Variants in ASB9 observed in about 807,000 individuals in gnomAD.
ASB9 encodes the protein ankyrin repeat and SOCS box containing 9.
A neutral mutation model predicts 16.6 loss-of-function variants in ASB9; 5 were observed. That is an observed-to-expected ratio of 0.30 (90% CI 0.16 to 0.63). The LOEUF is 0.63. Among genes scored for constraint, ASB9 ranks in the 30% least tolerant of loss-of-function variants. The pLI, the probability that ASB9 is intolerant of heterozygous loss-of-function variation, is 0.82. For missense variants in ASB9, 216 were observed against 229.4 expected, an observed-to-expected ratio of 0.94 and a Z score of 0.38; for synonymous variants, 100 against 86.4, an observed-to-expected ratio of 1.16 and a Z score of -0.87.
At chrX:15,247,329 C>T (rs1398424343) in intron 6 of ASB9, among the ~76,000 whole-genome samples, 1 of 111,554 alleles carries the variant, frequency 9.0e-6, no homozygotes, top group East Asian at 2.8e-4. Flanking sequence ...TGTCACCGTG[C>T]AAAACGTAAA....
At chrX:15,259,655 A>G (rs1330205029) in intron 1 of ASB9, among the ~76,000 whole-genome samples, 1 of 111,848 alleles carries the variant, frequency 8.9e-6, no homozygotes, top group Admixed American at 9.5e-5. Context: ...GAGCAGCCCT[A>G]ATATATAACA....
chrX:15,267,425 T>TTTAAAAA (rs377056337), intron 1 of ASB9, among the ~76,000 whole-genome samples: 3 of 87,652 alleles, frequency 3.4e-5, no homozygotes, highest in Non-Finnish European at 6.7e-5. Flanking sequence ...AAAATATATA[T>TTTAAAAA]ATATATATAA....
In ASB9 at chrX:15,250,575, A is replaced by C. The variant is rs752789577; in HGVS notation, c.434-11T>G. 22 of 1,190,398 alleles carry C rather than the reference A, an allele frequency of 1.8e-5. No homozygotes were observed. In the East Asian group the frequency reaches 6.6e-4, roughly 35 times the overall value. ...CACACTCCACGTGGCCTGCAGCCCA[A>C]AGCAGGAAGAAAAACAGTTACAATA... On this transcript the variant is annotated splice_polypyrimidine_tract_variant and intron_variant, in intron 4 of 6. Coordinates refer to ENST00000380488, the MANE Select transcript of ASB9 (RefSeq NM_001031739.3).
rs142815377 is a variant in ASB9 at position 15,253,643 on chromosome X, T to C, written c.282+1094A>G. ...AACATAAAAACTGGTTAATGTCCTA[T>C]AGGGCCATAAAAGTATAATCTTTGA... On this transcript the variant is annotated intron_variant, in intron 3 of 6. Coordinates refer to ENST00000380488, the MANE Select transcript of ASB9 (RefSeq NM_001031739.3). 7.9e-3 allele frequency among the ~76,000 whole-genome samples: 882 copies of C among 111,807 alleles called. 10 individuals carry two copies. Among genetic ancestry groups the C allele is most frequent in the African/African-American group, 0.028 (850 of 30,730 alleles).
At chrX:15,252,745 G>A (rs1231478171) in intron 3 of ASB9, among the ~76,000 whole-genome samples, 1 of 111,954 alleles carries the variant, frequency 8.9e-6, no homozygotes, top group Non-Finnish European at 1.9e-5. Flanking sequence ...TTCTTAACGG[G>A]TGCAAGAAGA....
chrX:15,245,104 T>C (rs1255783995), intron 6 of ASB9, among the ~76,000 whole-genome samples: 2 of 112,217 alleles, frequency 1.8e-5, no homozygotes, highest in Middle Eastern at 4.7e-3. Context: ...TGTTTGTTTT[T>C]ACATCCTGTA....
intron 4 of ASB9, among the ~76,000 whole-genome samples, chrX:15,251,107 T>G (rs1925085149): frequency 8.9e-6 from 1 of 112,271 alleles, no homozygotes; most frequent in African/African-American, 3.2e-5. Flanking sequence ...CCATTTGAGT[T>G]TACTAGCCAC....
intron 3 of ASB9, among the ~76,000 whole-genome samples, chrX:15,252,903 A>G (rs1429453733): frequency 2.7e-5 from 3 of 112,759 alleles, no homozygotes; most frequent in African/African-American, 9.7e-5. Context: ...CAACTCACTC[A>G]TTAATGAGGG....
At chrX:15,253,414 A>C (rs1175558627) in intron 3 of ASB9, among the ~76,000 whole-genome samples, 3 of 109,973 alleles carry the variant, frequency 2.7e-5, no homozygotes, top group African/African-American at 1.0e-4. Flanking sequence ...CAACATGATA[A>C]CATGATGAAA....
chrX:15,257,463 T>G (rs2147646648), intron 2 of ASB9, among the ~76,000 whole-genome samples: 1 of 111,436 alleles, frequency 9.0e-6, no homozygotes, highest in South Asian at 3.8e-4. Flanking sequence ...TTTAGGTGTT[T>G]ATACATAAAT....
Position 15,252,287 on chromosome X carries a change from G to C in ASB9, c.400C>G (p.Leu134Val), listed in dbSNP as rs1300766054. ...GCAGCTTCATGGATGGGGGATGCCA[G>C]ATCACTCTCAGGTTGAACGCTGGCT... ...HGASVQPESD[L>V]ASPIHEAARR... Residue 134 changes from leucine to valine, a missense_variant, in exon 4 of 7, where the codon CTG (leucine) becomes GTG (valine). Coordinates refer to ENST00000380488, the MANE Select transcript of ASB9 (RefSeq NM_001031739.3). 1 of 1,208,866 alleles carries C rather than the reference G, an allele frequency of 8.3e-7. No individual in the cohort carries two copies. Among genetic ancestry groups the C allele is most frequent in the South Asian group, 1.8e-5 (1 of 56,062 alleles).
In ASB9 at chrX:15,254,751, T is replaced by G; in HGVS notation, c.268A>C (p.Lys90Gln). ...GCTGCCCTTACCTGAGCTCCATGCT[T>G]TAATAAAATCTTCACACAAGAGAGA... ...GHLSCVKILL[K>Q]HGAQVNGVTA... Residue 90 changes from lysine (K) to glutamine (Q), a missense_variant, in exon 3 of 7, where the codon AAG becomes CAG. Coordinates refer to ENST00000380488, the MANE Select transcript of ASB9 (RefSeq NM_001031739.3). 8.3e-7 allele frequency: 1 copy of G among 1,208,254 alleles called. No individual in the cohort carries two copies. The highest frequency in any genetic ancestry group is 1.1e-6 in the Non-Finnish European group (1 of 892,514).
intron 1 of ASB9, among the ~76,000 whole-genome samples, chrX:15,267,436 TTA>T (rs1926577605): frequency 4.1e-5 from 1 of 24,145 alleles, no homozygotes; most frequent in South Asian, 2.3e-3. Flanking sequence ...ATATATATAA[TTA>T]TATATATAAT....
In ASB9 at chrX:15,244,374, G is replaced by C. The variant is rs1924484294; in HGVS notation, c.*132C>G. Reference sequence around the variant, plus strand: ...AAAATTAGTCAAACTCCATAAACAAGTTTATAACAAATACAAATCTAATCG... The same window carrying C: ...AAAATTAGTCAAACTCCATAAACAACTTTATAACAAATACAAATCTAATCG... On this transcript the variant is annotated 3_prime_UTR_variant, in exon 7 of 7. Coordinates refer to ENST00000380488, the MANE Select transcript of ASB9 (RefSeq NM_001031739.3). 7 of 818,042 alleles carry C rather than the reference G, an allele frequency of 8.6e-6. No individual in the cohort carries two copies. The highest frequency in any genetic ancestry group is 2.1e-5 in the African/African-American group (1 of 47,912). The allele number at this position is 818,042 out of a possible 1,213,427, so 67.4% of individuals were successfully genotyped here. A position where few individuals can be genotyped will look rare whatever the true frequency, so the allele number is the denominator to read the frequency against.
chrX:15,264,361 G>A (rs1035463168), intron 1 of ASB9, among the ~76,000 whole-genome samples: 53 of 111,377 alleles, frequency 4.8e-4, no homozygotes, highest in African/African-American at 1.5e-3. Context: ...TCTGAGGCAC[G>A]GGGGTTAAGA....
intron 1 of ASB9, 183 bp from the exon 2 acceptor site, chrX:15,259,128 T>C (rs1837949116): frequency 1.1e-5 from 4 of 350,304 alleles, no homozygotes; most frequent in Non-Finnish European, 2.0e-5. Context: ...GTGCACAGTT[T>C]GTTTGAAATG....
At chrX:15,246,076 G>C (rs1301379940) in intron 6 of ASB9, among the ~76,000 whole-genome samples, 1 of 111,683 alleles carries the variant, frequency 9.0e-6, no homozygotes, top group Non-Finnish European at 1.9e-5. Flanking sequence ...ACCTCACTAA[G>C]GAATGTTGAA....
chrX:15,254,814 G>T lies in ASB9; in HGVS notation c.205C>A (p.His69Asn). The T allele has an allele frequency of 8.3e-7, 1 of 1,209,845 alleles. No individual in the cohort carries two copies. Among genetic ancestry groups the T allele is most frequent in the Non-Finnish European group, 1.1e-6 (1 of 894,380 alleles). Residue 69 changes from histidine to asparagine, a missense_variant, in exon 3 of 7, where the codon CAT becomes AAT. His to Asn is a moderately conservative substitution (Grantham distance 68). Coordinates refer to ENST00000380488, the MANE Select transcript of ASB9 (RefSeq NM_001031739.3). ...CAGGCTTCATGGAGTGGGGAAACAT[G>T]ATCTGCCGTGATGATGTTCACAGCC... ...GWAVNIITAD[H>N]VSPLHEACLG... is the part of the protein sequence containing the mutation.
At chrX:15,255,241 C>G (rs909315497) in intron 2 of ASB9, among the ~76,000 whole-genome samples, 9 of 111,565 alleles carry the variant, frequency 8.1e-5, no homozygotes, top group Non-Finnish European at 1.5e-4. Context: ...AATCTTTCAG[C>G]AGAAAGATTA....
Sources: gnomAD v4.1 joint callset for allele counts (sites outside exome capture counted in the v4.1 genomes callset) on GRCh38, gnomAD v4.1.1 for gene constraint, MANE v1.5 for transcripts, NCBI Gene and HGNC (gene_info 2026-07-23, HGNC 2026-07-21) for gene names.